HTR2A: variants seen among roughly 807,000 people sequenced by gnomAD.
The protein encoded by HTR2A is 5-HT2 receptor.
HTR2A carries 14 observed loss-of-function variants against 31.0 expected under a neutral mutation model. The observed-to-expected ratio is 0.45, with a 90% CI of 0.30 to 0.71. The LOEUF (loss-of-function observed/expected upper bound fraction) is 0.71, where lower values mean the gene tolerates loss of function less well. Ranked by LOEUF, HTR2A falls within the 30% of genes least tolerant of loss-of-function variation. HTR2A has a pLI of 0.09. For missense variants in HTR2A, 442 were observed against 573.3 expected, an observed-to-expected ratio of 0.77 and a Z score of 2.34; for synonymous variants, 209 against 225.2, an observed-to-expected ratio of 0.93 and a Z score of 0.64.
chr13:46,864,377 C>A (rs1231284380), intron 3 of HTR2A, among the ~76,000 whole-genome samples: 1 of 152,124 alleles, frequency 6.6e-6, no homozygotes, highest in Non-Finnish European at 1.5e-5. Flanking sequence ...ACATGACAAA[C>A]CTGCACAGGT....
chr13:46,887,336 T>C (rs1951014555), intron 3 of HTR2A, among the ~76,000 whole-genome samples: 1 of 145,906 alleles, frequency 6.9e-6, no homozygotes, highest in Non-Finnish European at 1.5e-5. Flanking sequence ...GGCAGGAGAA[T>C]GGCGTGAACC....
In HTR2A at chr13:46,895,722, G is replaced by A; in HGVS notation, c.185C>T (p.Ser62Leu). 1.2e-6 allele frequency: 2 copies of A among 1,614,190 alleles called. No individual in the cohort carries two copies. The highest frequency in any genetic ancestry group is 1.7e-6 in the Non-Finnish European group (2 of 1,180,020). The stretch of plus-strand genomic sequence containing the variant: ...ATGAAGTAAGGAGAGACACGACGGT[G>A]AGAGGCACCCTTCACAGGAAAGGTT... ...RTNLSCEGCL[S>L]PSCLSLLHLQ... The change falls in exon 2 of 4, where the codon TCA becomes TTA. Residue 62 changes from serine (S) to leucine (L), a missense_variant. Ser to Leu is a moderately radical substitution (Grantham distance 145, BLOSUM62 -2). Coordinates refer to ENST00000542664, the MANE Select transcript of HTR2A (RefSeq NM_000621.5). This position sits in a 1 kb window ranked among gnomAD's most constrained non-coding sequence, Gnocchi z 4.4.
chr13:46,837,546 G>A (rs987677555), intron 3 of HTR2A, among the ~76,000 whole-genome samples: 1 of 152,162 alleles, frequency 6.6e-6, no homozygotes, highest in African/African-American at 2.4e-5. Context: ...TGTGGTTACT[G>A]CTTCTGACCG....
chr13:46,869,998 A>C (rs1950852942), intron 3 of HTR2A, among the ~76,000 whole-genome samples: 2 of 152,164 alleles, frequency 1.3e-5, no homozygotes, highest in Admixed American at 1.3e-4. Context: ...CAAGATTGTG[A>C]ATGTAATTTA....
rs1951110959 is a variant in HTR2A at position 46,896,975 on chromosome 13, A to C, written c.-630T>G. 5.9e-6 allele frequency: 4 copies of C among 678,080 alleles called. No homozygotes were observed. Among genetic ancestry groups the C allele is most frequent in the Non-Finnish European group, 1.0e-5 (4 of 401,774 alleles). The allele number at this position is 678,080 out of a possible 1,614,324, so 42.0% of individuals were successfully genotyped here. On this transcript the variant is annotated 5_prime_UTR_variant, in exon 1 of 4. Coordinates refer to ENST00000542664, the MANE Select transcript of HTR2A (RefSeq NM_000621.5). ...ATTCACGAGCCCCTCAAAGTCGCACAAAAGAACTGCATGGGAAAGTAGGAA... is the reference window on the plus strand; with the variant it reads ...ATTCACGAGCCCCTCAAAGTCGCACCAAAGAACTGCATGGGAAAGTAGGAA...
intron 3 of HTR2A, among the ~76,000 whole-genome samples, chr13:46,882,650 C>G (rs1950975583): frequency 6.6e-6 from 1 of 152,104 alleles, no homozygotes; most frequent in Non-Finnish European, 1.5e-5. Flanking sequence ...TGACAAGTAA[C>G]AAACTGGGAA....
rs1951093174 is a variant in HTR2A, at chr13:46,895,409, C to A, written c.412+86G>T. 2 of 1,218,030 alleles carry A rather than the reference C, an allele frequency of 1.6e-6. No homozygotes were observed. The highest frequency in any genetic ancestry group is 3.0e-5 in the African/African-American group (2 of 65,740). The allele number at this position is 1,218,030 out of a possible 1,614,324, so 75.5% of individuals were successfully genotyped here. ...AGACTTCTATTTATAGTTTGTTTGC[C>A]CCCTGAGCCCCATCTCATCTGCTGG... On this transcript the variant is annotated intron_variant, in intron 2 of 3. Coordinates refer to ENST00000542664, the MANE Select transcript of HTR2A (RefSeq NM_000621.5). The surrounding 1 kb of genome is among the most constrained non-coding windows in gnomAD (Gnocchi z 4.4).
intron 3 of HTR2A, among the ~76,000 whole-genome samples, chr13:46,869,216 A>G (rs1950845240): frequency 6.6e-6 from 1 of 152,196 alleles, no homozygotes; most frequent in Non-Finnish European, 1.5e-5. Flanking sequence ...CCAGAACATA[A>G]AGAATTTCTA....
chr13:46,838,335 A>G (rs189823901), intron 3 of HTR2A, among the ~76,000 whole-genome samples: 5 of 152,192 alleles, frequency 3.3e-5, no homozygotes, highest in East Asian at 1.9e-4. Flanking sequence ...TTCTTCATCT[A>G]TCGTGGGAGG....
Position 46,835,575 on chromosome 13 carries a change from A to T in HTR2A, c.678T>A (p.Ser226Arg). ...QDDSKVFKEG[S>R]CLLADDNFVL... Reference sequence around the variant, plus strand: ...CAAAGTTATCATCGGCGAGTAAGCAACTCCCCTCCTTAAAGACCTTCGAAT... The same window carrying T: ...CAAAGTTATCATCGGCGAGTAAGCATCTCCCCTCCTTAAAGACCTTCGAAT... Residue 226 changes from serine (S) to arginine (R), a missense_variant, in exon 4 of 4, where the codon AGT becomes AGA. Around this residue, in one of 5 missense-constraint regions of HTR2A, gnomAD observed 174 missense variants for 195.1 expected, o/e 0.89. Transcript: ENST00000542664. 1 of 1,613,838 alleles carries T rather than the reference A, an allele frequency of 6.2e-7. No homozygotes were observed. Among genetic ancestry groups the T allele is most frequent in the Non-Finnish European group, 8.5e-7 (1 of 1,179,942 alleles).
In HTR2A at chr13:46,849,684, G is replaced by A. The variant is rs546469633; in HGVS notation, c.614-14045C>T. Among the ~76,000 whole-genome samples, 20 of 152,258 alleles carry A rather than the reference G, an allele frequency of 1.3e-4. No individual in the cohort carries two copies. In the South Asian group the frequency reaches 3.1e-3, roughly 24 times the overall value. ...CATGGCTGGCTTCTTCTTATTTGGTGTCCATGTAAATGCCCTCTCCCCAGT... is the reference window on the plus strand; with the variant it reads ...CATGGCTGGCTTCTTCTTATTTGGTATCCATGTAAATGCCCTCTCCCCAGT... On this transcript the variant is annotated intron_variant, in intron 3 of 3. Transcript: ENST00000542664.
chr13:46,858,343 T>G (rs895327900), intron 3 of HTR2A, among the ~76,000 whole-genome samples: 1 of 151,912 alleles, frequency 6.6e-6, no homozygotes, highest in African/African-American at 2.4e-5. Flanking sequence ...TGAGCTGCCT[T>G]GAAGGATGAA....
At chr13:46,865,014 A>G (rs1384614031) in intron 3 of HTR2A, among the ~76,000 whole-genome samples, 2 of 152,152 alleles carry the variant, frequency 1.3e-5, no homozygotes, top group African/African-American at 4.8e-5. Flanking sequence ...GATTTTAGAT[A>G]TATTTCACGT....
chr13:46,877,775 C>T (rs1382397684), intron 3 of HTR2A, among the ~76,000 whole-genome samples: 1 of 151,936 alleles, frequency 6.6e-6, no homozygotes, highest in Admixed American at 6.6e-5. Flanking sequence ...GCAAGTACCT[C>T]ATTTATAGAG....
chr13:46,868,633 T>C (rs57923676), intron 3 of HTR2A, among the ~76,000 whole-genome samples: 8 of 152,224 alleles, frequency 5.3e-5, no homozygotes, highest in African/African-American at 1.9e-4. Context: ...AAATTCCCTA[T>C]GTTCAACTGA....
At chr13:46,844,834 G>C (rs56187649) in intron 3 of HTR2A, among the ~76,000 whole-genome samples, 3,159 of 152,242 alleles carry the variant, frequency 0.021, 110 homozygotes, top group African/African-American at 0.073. Flanking sequence ...ATAATATAAA[G>C]AGGCCTCCTC....
At position 46,857,909 on chromosome 13, in the gene HTR2A, C is replaced by G. The variant is rs566209707; in HGVS notation, c.614-22270G>C. Among the ~76,000 whole-genome samples, 73 of 152,224 alleles carry G rather than the reference C, an allele frequency of 4.8e-4. No homozygotes were observed. In the South Asian group the frequency reaches 0.015, roughly 31 times the overall value. On this transcript the variant is annotated intron_variant, in intron 3 of 3. Coordinates refer to ENST00000542664, the MANE Select transcript of HTR2A (RefSeq NM_000621.5). ...TAAGAAGCTACTAAATGACTTTAAGCAGAGAATGGAAATATTCAGATGACA... is the reference window on the plus strand; with the variant it reads ...TAAGAAGCTACTAAATGACTTTAAGGAGAGAATGGAAATATTCAGATGACA...
chr13:46,834,781 AGATAG>A lies in HTR2A; in HGVS notation c.*51_*55del. 1.4e-6 allele frequency: 2 copies of A among 1,389,536 alleles called. No homozygotes were observed. Among genetic ancestry groups the A allele is most frequent in the Non-Finnish European group, 2.0e-6 (2 of 1,022,452 alleles). The allele number at this position is 1,389,536 out of a possible 1,614,324, so 86.1% of individuals were successfully genotyped here. On this transcript the variant is annotated 3_prime_UTR_variant, in exon 4 of 4. Transcript: ENST00000542664. ...TCCAATCTCATATTTTTTTTTTTCC[AGATAG>A]GTGAAAACTTGCTCAGTGTGCCTTC...
intron 3 of HTR2A, among the ~76,000 whole-genome samples, chr13:46,846,124 C>T (rs1238489239): frequency 6.6e-6 from 1 of 152,068 alleles, no homozygotes; most frequent in Admixed American, 6.5e-5. Context: ...CATTAGTTTG[C>T]AATGAGAAAA....
Sources: allele counts gnomAD v4.1 joint callset (sites outside exome capture counted in the v4.1 genomes callset), GRCh38; gene constraint gnomAD v4.1.1; regional missense constraint gnomAD v4.1.1; non-coding constraint Gnocchi (gnomAD v3.1); transcripts MANE v1.5; gene names NCBI Gene and HGNC (gene_info 2026-07-23, HGNC 2026-07-21).